The following SIPA1L2 variants were observed in gnomAD, a reference collection of about 807,000 sequenced individuals.
SIPA1L2 encodes signal-induced proliferation-associated 1-like protein 2.
A neutral mutation model predicts 163.9 loss-of-function variants in SIPA1L2; 56 were observed. The ratio of observed to expected loss-of-function variants is 0.34; its 90% CI spans 0.28 to 0.43. The LOEUF is 0.43. Ranked by LOEUF, SIPA1L2 falls within the 20% of genes least tolerant of loss-of-function variation. The probability of loss-of-function intolerance (pLI) is 1.00; values close to 1 mark genes in which losing one functional copy is unlikely to be tolerated. For synonymous variants in SIPA1L2, 877 were observed against 865.7 expected, an observed-to-expected ratio of 1.01 and a Z score of -0.23; for missense variants, 1,974 against 2,193.5, an observed-to-expected ratio of 0.90 and a Z score of 2.00.
chr1:232,529,049 A>G (rs1667850434), intron 2 of SIPA1L2, among the ~76,000 whole-genome samples: 1 of 152,208 alleles, frequency 6.6e-6, no homozygotes, highest in South Asian at 2.1e-4. Flanking sequence ...ACTAGTCAAG[A>G]GCAAAATGGA....
In SIPA1L2 at chr1:232,439,247, C is replaced by T. The variant is rs376696486; in HGVS notation, c.3892G>A (p.Ala1298Thr). 6.8e-6 allele frequency: 11 copies of T among 1,613,948 alleles called. No homozygotes were observed. The highest frequency in any genetic ancestry group is 4.0e-5 in the African/African-American group (3 of 74,944). ...SLIHSRAEQW[A>T]DAADVSGPDD... ...GGCCCAGAGACGTCGGCAGCATCAG[C>T]CCACTGCTCGGCCCGGCTGTGGATC... The change falls in exon 15 of 23, where the codon GCT becomes ACT. Residue 1298 changes from alanine to threonine, a missense_variant. Ala to Thr is a moderately conservative substitution (Grantham distance 58, BLOSUM62 0). This residue lies in a region of SIPA1L2 where 1,079 missense variants were observed against 1,150.7 expected (regional missense o/e 0.94). Transcript: ENST00000674635.
chr1:232,398,824 A>G lies in SIPA1L2; in HGVS notation c.*303T>C, dbSNP rs754565593. On this transcript the variant is annotated 3_prime_UTR_variant, in exon 23 of 23. Transcript: ENST00000674635. ...ACTCAACTATCTTCCCTCTTGAGGTAAGCCCAAGCCAGAGCACTGTTTTAG... is the reference window on the plus strand; with the variant it reads ...ACTCAACTATCTTCCCTCTTGAGGTGAGCCCAAGCCAGAGCACTGTTTTAG... 3.2e-4 allele frequency: 87 copies of G among 269,122 alleles called. No homozygotes were observed. Among genetic ancestry groups the G allele is most frequent in the Non-Finnish European group, 5.8e-4 (82 of 141,840 alleles). The allele number at this position is 269,122 out of a possible 1,614,324, so 16.7% of individuals were successfully genotyped here.
At chr1:232,489,759 C>T (rs914875600) in intron 5 of SIPA1L2, among the ~76,000 whole-genome samples, 9 of 152,314 alleles carry the variant, frequency 5.9e-5, no homozygotes, top group African/African-American at 1.9e-4. Context: ...TAAAAATATA[C>T]ATTGTCACTG....
In SIPA1L2 at chr1:232,486,210, C is replaced by T. The variant is rs148872358; in HGVS notation, c.1807-2244G>A. Among the ~76,000 whole-genome samples, 121 of 152,244 alleles carry T rather than the reference C, an allele frequency of 7.9e-4. 1 individual carries two copies. Among genetic ancestry groups the T allele is most frequent in the Non-Finnish European group, 7.5e-4 (51 of 68,020 alleles). On this transcript the variant is annotated intron_variant, in intron 5 of 22. Transcript: ENST00000674635. Reference sequence around the variant, plus strand: ...GTGTGCATGGTATGTCAAGCAGAGCCGTCACCAGCCTGGCTCACTTCCTCT... The same window carrying T: ...GTGTGCATGGTATGTCAAGCAGAGCTGTCACCAGCCTGGCTCACTTCCTCT...
At chr1:232,596,404 C>T (rs978966842) in intron 1 of SIPA1L2, among the ~76,000 whole-genome samples, 2 of 152,196 alleles carry the variant, frequency 1.3e-5, no homozygotes, top group South Asian at 2.1e-4. Flanking sequence ...ACTGAGGCAT[C>T]GTCTGCTGAA....
chr1:232,582,132 T>C (rs2102806472), intron 1 of SIPA1L2, among the ~76,000 whole-genome samples: 1 of 152,346 alleles, frequency 6.6e-6, no homozygotes, highest in East Asian at 1.9e-4. Context: ...TTGTTGATGA[T>C]GATGTCATGA....
At chr1:232,618,915 T>C (rs1573184364) in intron 1 of SIPA1L2, among the ~76,000 whole-genome samples, 1 of 152,322 alleles carries the variant, frequency 6.6e-6, no homozygotes, top group Admixed American at 6.5e-5. Flanking sequence ...TAACCTTCAG[T>C]AAATTACAGT....
At chr1:232,413,158 T>C (rs1420000692) in intron 19 of SIPA1L2, among the ~76,000 whole-genome samples, 1 of 152,242 alleles carries the variant, frequency 6.6e-6, no homozygotes, top group African/African-American at 2.4e-5. Flanking sequence ...TCTTTGGTTC[T>C]TCATTTTACA....
chr1:232,414,432 C>T (rs181853816), intron 19 of SIPA1L2, among the ~76,000 whole-genome samples: 85 of 152,296 alleles, frequency 5.6e-4, no homozygotes, highest in African/African-American at 2.0e-3. Context: ...AATGCACCTC[C>T]CCTCCTGGGA....
chr1:232,529,538 A>T (rs1553307671), intron 2 of SIPA1L2, among the ~76,000 whole-genome samples: 1 of 152,214 alleles, frequency 6.6e-6, no homozygotes, highest in Non-Finnish European at 1.5e-5. Context: ...CATGGGCTCA[A>T]GGGTGCCAGA....
At chr1:232,609,261 A>C (rs1662118444) in intron 1 of SIPA1L2, among the ~76,000 whole-genome samples, 1 of 152,236 alleles carries the variant, frequency 6.6e-6, no homozygotes, top group Non-Finnish European at 1.5e-5. Flanking sequence ...ATTAACTATT[A>C]CTTAATAAAA....
At chr1:232,467,248 C>T (rs979915522) in intron 8 of SIPA1L2, among the ~76,000 whole-genome samples, 5 of 152,306 alleles carry the variant, frequency 3.3e-5, no homozygotes, top group Non-Finnish European at 4.4e-5. Context: ...GGGACAGATA[C>T]ACCGAACTCA....
At chr1:232,501,910 C>T (rs1666501300) in intron 3 of SIPA1L2, among the ~76,000 whole-genome samples, 1 of 151,228 alleles carries the variant, frequency 6.6e-6, no homozygotes, top group Admixed American at 6.6e-5. Context: ...TTTCATATAC[C>T]CTGCCTTCCT....
intron 5 of SIPA1L2, among the ~76,000 whole-genome samples, chr1:232,489,478 C>T (rs1665818161): frequency 6.6e-6 from 1 of 150,606 alleles, no homozygotes; most frequent in South Asian, 2.1e-4. Context: ...AAGTCACCTG[C>T]TCAAGTTTAG....
chr1:232,513,794 T>C (rs1255511650), intron 3 of SIPA1L2, 63 bp downstream of exon 3: 9 of 1,500,074 alleles, frequency 6.0e-6, no homozygotes, highest in Non-Finnish European at 6.2e-6. Context: ...AAGCAAAACA[T>C]TGTGACTGGT....
At chr1:232,423,386 T>C (rs937597271) in intron 18 of SIPA1L2, among the ~76,000 whole-genome samples, 1 of 152,174 alleles carries the variant, frequency 6.6e-6, no homozygotes, top group African/African-American at 2.4e-5. Flanking sequence ...TCCAAACAAT[T>C]AGATTCTGGA....
At chr1:232,486,663 G>C (rs12750127) in intron 5 of SIPA1L2, among the ~76,000 whole-genome samples, 38,307 of 152,110 alleles carry the variant, frequency 0.25, 4,955 homozygotes, top group Admixed American at 0.35. Flanking sequence ...CAGTGACTCA[G>C]AGTAAAGAAT....
At chr1:232,602,012 G>A (rs1282557555) in intron 1 of SIPA1L2, among the ~76,000 whole-genome samples, 1 of 152,124 alleles carries the variant, frequency 6.6e-6, no homozygotes, top group East Asian at 1.9e-4. Context: ...AAAAACCTTT[G>A]AAGACCATGC....
chr1:232,475,455 G>A (rs148203720), intron 7 of SIPA1L2, among the ~76,000 whole-genome samples: 33 of 152,316 alleles, frequency 2.2e-4, no homozygotes, highest in African/African-American at 7.5e-4. Context: ...TGCACCAGTA[G>A]TTAGAATTAT....
Sources: allele counts gnomAD v4.1 joint callset (sites outside exome capture counted in the v4.1 genomes callset), GRCh38; gene constraint gnomAD v4.1.1; regional missense constraint gnomAD v4.1.1; transcripts MANE v1.5; gene names NCBI Gene and HGNC (gene_info 2026-07-23, HGNC 2026-07-21).